The following CREB3L2 variants were observed in gnomAD, a reference collection of about 807,000 sequenced individuals.
CREB3L2 encodes the protein cyclic AMP-responsive element-binding protein 3-like protein 2.
Under a neutral mutation model 57.2 loss-of-function variants are expected in CREB3L2, and 23 were observed. The observed-to-expected ratio is 0.40, with a 90% CI of 0.29 to 0.57. The LOEUF (loss-of-function observed/expected upper bound fraction) is 0.57. CREB3L2 is among the 20% of genes least tolerant of loss of function. The pLI is 0.42. For synonymous variants in CREB3L2, 268 were observed against 265.1 expected (o/e 1.01, Z -0.11); for missense variants, 628 against 634.7 (o/e 0.99, Z 0.11).
chr7:137,987,994 A>G (rs1299091432), intron 1 of CREB3L2, among the ~76,000 whole-genome samples: 3 of 152,206 alleles, frequency 2.0e-5, no homozygotes, highest in African/African-American at 7.2e-5. Context: ...CTGTGGAGTG[A>G]ATCCTAAACT....
intron 1 of CREB3L2, 55 bp from the exon 2 acceptor site, chr7:137,928,421 T>C: frequency 7.3e-7 from 1 of 1,377,854 alleles, no homozygotes; most frequent in Admixed American, 1.8e-5. Flanking sequence ...ATGTGACAGA[T>C]ACCCTACGCA....
chr7:137,882,624 T>G lies in CREB3L2; in HGVS notation c.1275A>C (p.Arg425Ser). 1 of 1,600,748 alleles carries G rather than the reference T, an allele frequency of 6.2e-7. No individual in the cohort carries two copies. Among genetic ancestry groups the G allele is most frequent in the Non-Finnish European group, 8.5e-7 (1 of 1,171,422 alleles). The change falls in exon 11 of 12, where the codon AGA becomes AGC. Residue 425 changes from arginine (R) to serine (S), a missense_variant. Coordinates refer to ENST00000330387, the MANE Select transcript of CREB3L2 (RefSeq NM_194071.4). ...LQEPYTASVV[R>S]SRNLLIYEEH... is the part of the protein sequence containing the mutation. ...CCTCGTAGATCAGCAGGTTTCTGGATCTCACTGAGGACAGAGCAGAATAAT... is the reference window on the plus strand; with the variant it reads ...CCTCGTAGATCAGCAGGTTTCTGGAGCTCACTGAGGACAGAGCAGAATAAT...
intron 1 of CREB3L2, among the ~76,000 whole-genome samples, chr7:137,931,533 A>C (rs1800636540): frequency 6.6e-6 from 1 of 151,758 alleles, no homozygotes; most frequent in South Asian, 2.1e-4. Flanking sequence ...AAAAAAAAAA[A>C]AAAAAAAAAA....
intron 1 of CREB3L2, among the ~76,000 whole-genome samples, chr7:137,935,590 C>G (rs547830125): frequency 6.6e-6 from 1 of 152,254 alleles, no homozygotes; most frequent in African/African-American, 2.4e-5. Flanking sequence ...CTCTATGGCC[C>G]AGATGTAAAC....
chr7:137,969,185 C>T (rs1801457768), intron 1 of CREB3L2, among the ~76,000 whole-genome samples: 1 of 152,026 alleles, frequency 6.6e-6, no homozygotes, highest in Non-Finnish European at 1.5e-5. Flanking sequence ...ATCAAGATTA[C>T]AAATCATAAA....
intron 2 of CREB3L2, among the ~76,000 whole-genome samples, chr7:137,919,621 C>T (rs907835516): frequency 2.0e-5 from 3 of 152,110 alleles, no homozygotes; most frequent in Admixed American, 1.3e-4. Context: ...ATAATGCTCA[C>T]TAGGGCATTG....
chr7:137,923,982 C>A (rs999147590), intron 2 of CREB3L2, among the ~76,000 whole-genome samples: 2 of 152,152 alleles, frequency 1.3e-5, no homozygotes, highest in African/African-American at 4.8e-5. Flanking sequence ...CCCACTTACC[C>A]CATGTGACTT....
In CREB3L2 at chr7:138,001,659, C is replaced by G; in HGVS notation, c.47G>C (p.Arg16Pro). Residue 16 changes from arginine (R) to proline (P), a missense_variant, in exon 1 of 12, where the codon CGC becomes CCC. Coordinates refer to ENST00000330387, the MANE Select transcript of CREB3L2 (RefSeq NM_194071.4). This position sits in a 1 kb window ranked among gnomAD's most constrained non-coding sequence, Gnocchi z 4.2. ...SGEQGVLQWDRKLSELSEPGD... is the reference protein window; with the variant it reads ...SGEQGVLQWDPKLSELSEPGD... ...GGGCTCTGACAGCTCGCTCAGCTTG[C>G]GGTCCCACTGCAGCACGCCCTGCTC... is the stretch of plus-strand genomic sequence containing the variant. 1 of 1,613,218 alleles carries G rather than the reference C, an allele frequency of 6.2e-7. No individual in the cohort carries two copies. Among genetic ancestry groups the G allele is most frequent in the Non-Finnish European group, 8.5e-7 (1 of 1,179,784 alleles).
chr7:138,002,030 A>T lies in CREB3L2; in HGVS notation c.-325T>A, dbSNP rs1802090772. 6.2e-6 allele frequency: 2 copies of T among 323,784 alleles called. No homozygotes were observed. Among genetic ancestry groups the T allele is most frequent in the Admixed American group, 9.4e-5 (2 of 21,326 alleles). The allele number at this position is 323,784 out of a possible 1,614,324, so 20.1% of individuals were successfully genotyped here. On this transcript the variant is annotated 5_prime_UTR_variant, in exon 1 of 12. Coordinates refer to ENST00000330387, the MANE Select transcript of CREB3L2 (RefSeq NM_194071.4). ...AGGAAAATCCCTTAGCCGCAAGCCC[A>T]CTTGCCGCTACGGCTCCAGACACAA...
chr7:137,998,551 A>G (rs1459441262), intron 1 of CREB3L2, among the ~76,000 whole-genome samples: 1 of 152,262 alleles, frequency 6.6e-6, no homozygotes, highest in African/African-American at 2.4e-5. Flanking sequence ...CAGGCAGGCA[A>G]ACATGGGTTT....
intron 4 of CREB3L2, chr7:137,912,702 T>C: frequency 2.8e-6 from 2 of 726,092 alleles, no homozygotes; most frequent in Non-Finnish European, 4.5e-6. Context: ...TCGATAGTGT[T>C]TGTAGTAGCA....
intron 1 of CREB3L2, chr7:137,933,871 C>G (rs970883096): frequency 6.6e-6 from 1 of 152,222 alleles, no homozygotes; most frequent in Non-Finnish European, 1.5e-5. Flanking sequence ...GTGCCAGGAT[C>G]GGGCCAGAGT....
rs145653012 is a variant in CREB3L2 at position 137,885,551 on chromosome 7, G to A, written c.1044-49C>T. ...GAGGGGAGTCTGACAGAGAAGAGAT[G>A]CTTTTTGATCTCTCCATGTGACCCA... On this transcript the variant is annotated intron_variant, in intron 8 of 11. Transcript: ENST00000330387. The A allele has an allele frequency of 6.5e-4, 939 of 1,443,886 alleles. 8 individuals are homozygous for A. The African/African-American group carries it at 0.011, about 17-fold the overall frequency. 89.4% of individuals were successfully genotyped at this position (1,443,886 alleles called of 1,614,324 possible). A position where few individuals can be genotyped will look rare whatever the true frequency, so the allele number is the denominator to read the frequency against.
chr7:137,924,765 T>C (rs1277551555), intron 2 of CREB3L2, among the ~76,000 whole-genome samples: 2 of 152,130 alleles, frequency 1.3e-5, no homozygotes, highest in Non-Finnish European at 2.9e-5. Context: ...CAGGATGTCT[T>C]TCTGGGGGTT....
At chr7:137,899,028 G>A (rs1361074492) in intron 8 of CREB3L2, among the ~76,000 whole-genome samples, 2 of 46,094 alleles carry the variant, frequency 4.3e-5, no homozygotes, top group African/African-American at 1.6e-4. Flanking sequence ...AGGAAGGGAA[G>A]GAAGAAAGGA....
In CREB3L2 at chr7:137,926,444, C is replaced by T. The variant is rs191587245; in HGVS notation, c.319+1706G>A. On this transcript the variant is annotated intron_variant, in intron 2 of 11. Transcript: ENST00000330387. ...ATGTCCTTTGCAGGGGCATGGATGA[C>T]GCTGGAAACCATCATCCTCAGCAAA... Among the ~76,000 whole-genome samples, 36 of 152,210 alleles carry T rather than the reference C, an allele frequency of 2.4e-4. No individual in the cohort carries two copies. In the East Asian group the frequency reaches 5.4e-3, roughly 23 times the overall value.
chr7:137,942,947 G>A (rs568355416), intron 1 of CREB3L2, among the ~76,000 whole-genome samples: 5 of 152,190 alleles, frequency 3.3e-5, no homozygotes, highest in African/African-American at 7.2e-5. Flanking sequence ...GCAATGCCTC[G>A]GGGGTGGGGG....
At chr7:137,987,824 T>G (rs551234602) in intron 1 of CREB3L2, among the ~76,000 whole-genome samples, 5 of 152,184 alleles carry the variant, frequency 3.3e-5, no homozygotes, top group African/African-American at 9.6e-5. Flanking sequence ...TAGCTGGGAC[T>G]ATAGACATAA....
At chr7:137,886,725 G>GAAAAAA (rs112746477) in intron 8 of CREB3L2, among the ~76,000 whole-genome samples, 9 of 143,346 alleles carry the variant, frequency 6.3e-5, no homozygotes, top group African/African-American at 1.5e-4. Context: ...AGCAAGAGCA[G>GAAAAAA]AAAAAAAAAA....
Sources: allele counts gnomAD v4.1 joint callset (sites outside exome capture counted in the v4.1 genomes callset), GRCh38; gene constraint gnomAD v4.1.1; non-coding constraint Gnocchi (gnomAD v3.1); transcripts MANE v1.5; gene names NCBI Gene and HGNC (gene_info 2026-07-23, HGNC 2026-07-21).